Variants in SYCE2 observed in about 807,000 individuals in gnomAD.
SYCE2 encodes the protein central element synaptonemal complex 1.
A neutral mutation model predicts 27.9 loss-of-function variants in SYCE2; 3 were observed. That is an observed-to-expected ratio of 0.11 (90% CI 0.05 to 0.28). SYCE2 has a LOEUF of 0.28. Among genes scored for constraint, SYCE2 ranks in the 10% least tolerant of loss-of-function variants. The pLI is 1.00. For missense variants in SYCE2, 207 were observed against 263.5 expected (o/e 0.79, Z 1.48); for synonymous variants, 85 against 100.7 (o/e 0.84, Z 0.93).
chr19:12,910,224 A>G (rs1158924664), intron 2 of SYCE2, among the ~76,000 whole-genome samples: 1 of 152,046 alleles, frequency 6.6e-6, no homozygotes, highest in African/African-American at 2.4e-5. Context: ...TTCACTTCTC[A>G]ACTAGGCCAT....
At chr19:12,909,805 A>T (rs1043257406) in intron 2 of SYCE2, among the ~76,000 whole-genome samples, 3 of 151,744 alleles carry the variant, frequency 2.0e-5, no homozygotes, top group African/African-American at 7.3e-5. Context: ...ACCTCAGGTG[A>T]TCCGCCCTCC....
At chr19:12,913,920 G>A (rs1400867797) in intron 2 of SYCE2, 1 of 152,238 alleles carries the variant, frequency 6.6e-6, no homozygotes, top group Non-Finnish European at 1.5e-5. Flanking sequence ...AATGTGCGAG[G>A]AGAGGGAAGC....
At chr19:12,899,637 G>A in intron 5 of SYCE2, 1 of 1,612,686 alleles carries the variant, frequency 6.2e-7, no homozygotes, top group Admixed American at 1.7e-5. Context: ...AGAAAGGGAG[G>A]TGGCGGATGG....
At chr19:12,914,553 C>T (rs891664208) in intron 2 of SYCE2, among the ~76,000 whole-genome samples, 2 of 145,882 alleles carry the variant, frequency 1.4e-5, no homozygotes, top group Non-Finnish European at 3.0e-5. Flanking sequence ...TCCCACTAGA[C>T]CTCCCTACAC....
chr19:12,909,627 C>T (rs777047658), intron 2 of SYCE2, among the ~76,000 whole-genome samples: 4 of 151,840 alleles, frequency 2.6e-5, no homozygotes, highest in African/African-American at 4.8e-5. Context: ...AGTGCAATGG[C>T]GCGATCTCGG....
At chr19:12,918,408 C>A in intron 1 of SYCE2, 71 bp from the exon 2 acceptor site, 2 of 1,425,600 alleles carry the variant, frequency 1.4e-6, no homozygotes, top group Admixed American at 1.7e-5. Flanking sequence ...CCTGCCGACC[C>A]TTCAACCCTG....
intron 2 of SYCE2, among the ~76,000 whole-genome samples, chr19:12,914,421 G>A (rs1218488798): frequency 6.6e-6 from 1 of 152,016 alleles, no homozygotes; most frequent in East Asian, 1.9e-4. Flanking sequence ...GGTAGGAGCT[G>A]GCCCCAGTAC....
chr19:12,919,103 C>A, intron 1 of SYCE2, 140 bp downstream of exon 1: 1 of 1,118,418 alleles, frequency 8.9e-7, no homozygotes, highest in Non-Finnish European at 1.3e-6. Flanking sequence ...AAATTTGAGG[C>A]CAGGCCTGAT....
chr19:12,911,759 A>G (rs1041397111), intron 2 of SYCE2, among the ~76,000 whole-genome samples: 3 of 151,414 alleles, frequency 2.0e-5, no homozygotes, highest in African/African-American at 7.3e-5. Flanking sequence ...CTGGGATTAC[A>G]GGCACCTGCC....
At chr19:12,907,191 G>A (rs371263779) in intron 2 of SYCE2, among the ~76,000 whole-genome samples, 1 of 152,094 alleles carries the variant, frequency 6.6e-6, no homozygotes, top group Admixed American at 6.6e-5. Flanking sequence ...GCATCCTCAC[G>A]ACCACACTCG....
intron 2 of SYCE2, among the ~76,000 whole-genome samples, chr19:12,912,970 C>T (rs1341833258): frequency 1.3e-5 from 2 of 152,214 alleles, no homozygotes; most frequent in Non-Finnish European, 2.9e-5. Context: ...ATAGGCTTCC[C>T]TGGGCCTGCA....
At chr19:12,910,259 T>C (rs904996733) in intron 2 of SYCE2, among the ~76,000 whole-genome samples, 3 of 152,174 alleles carry the variant, frequency 2.0e-5, no homozygotes, top group Non-Finnish European at 4.4e-5. Context: ...TATTTACTTA[T>C]TTATTTTTGT....
chr19:12,904,371 G>T, intron 3 of SYCE2, 121 bp downstream of exon 3: 2 of 1,169,532 alleles, frequency 1.7e-6, no homozygotes, highest in Non-Finnish European at 2.5e-6. Flanking sequence ...AAGTGGAGGA[G>T]CTCCTGTGCT....
intron 2 of SYCE2, chr19:12,906,107 C>T (rs535610844): frequency 2.0e-5 from 3 of 151,216 alleles, no homozygotes; most frequent in South Asian, 2.1e-4. Flanking sequence ...CCTCCTGCCT[C>T]GGCCTCCAAA....
At chr19:12,913,817 C>T (rs1248008212) in intron 2 of SYCE2, among the ~76,000 whole-genome samples, 5 of 152,172 alleles carry the variant, frequency 3.3e-5, no homozygotes, top group African/African-American at 4.8e-5. Context: ...AGCAAACAAA[C>T]GACTTCAACC....
intron 2 of SYCE2, among the ~76,000 whole-genome samples, chr19:12,913,172 C>T (rs1193403643): frequency 6.6e-6 from 1 of 152,164 alleles, no homozygotes; most frequent in African/African-American, 2.4e-5. Flanking sequence ...CACAGCGCTG[C>T]GTTCATCTAT....
intron 5 of SYCE2, chr19:12,899,680 T>C (rs779571442): frequency 1.2e-6 from 2 of 1,612,306 alleles, no homozygotes; most frequent in Non-Finnish European, 8.5e-7. Flanking sequence ...TTTTTAAATA[T>C]CAAAATTTCC....
At chr19:12,919,110 T>C in intron 1 of SYCE2, 133 bp downstream of exon 1, 1 of 1,199,090 alleles carries the variant, frequency 8.3e-7, no homozygotes, top group Non-Finnish European at 1.2e-6. Flanking sequence ...AGGCCAGGCC[T>C]GATGAGAGGG....
intron 2 of SYCE2, among the ~76,000 whole-genome samples, chr19:12,910,907 G>A (rs2145976422): frequency 6.6e-6 from 1 of 151,070 alleles, no homozygotes; most frequent in African/African-American, 2.4e-5. Flanking sequence ...TCAATCTGCT[G>A]ACCTCATGAT....
Sources: allele counts gnomAD v4.1 joint callset (sites outside exome capture counted in the v4.1 genomes callset), GRCh38; gene constraint gnomAD v4.1.1; transcripts MANE v1.5; gene names NCBI Gene and HGNC (gene_info 2026-07-23, HGNC 2026-07-21).